Variants in SEMA3A observed in about 807,000 individuals in gnomAD.
The protein encoded by SEMA3A is semaphorin-3A.
In SEMA3A, 29 loss-of-function variants were observed where a neutral mutation model predicts 97.9. The ratio of observed to expected loss-of-function variants is 0.30; its 90% CI spans 0.22 to 0.40. The LOEUF (loss-of-function observed/expected upper bound fraction) is 0.40, where lower values mean the gene tolerates loss of function less well. Among genes scored for constraint, SEMA3A ranks in the 10% least tolerant of loss-of-function variants. The pLI is 1.00. For missense variants in SEMA3A, 763 were observed against 951.3 expected (o/e 0.80, Z 2.60); for synonymous variants, 321 against 323.7 (o/e 0.99, Z 0.09).
At chr7:84,011,432 G>C (rs1309961629) in intron 7 of SEMA3A, 135 bp from the exon 8 acceptor site, 1 of 648,824 alleles carries the variant, frequency 1.5e-6, no homozygotes, top group Admixed American at 2.8e-5. Context: ...CATTTTAAAT[G>C]ACCAGATATA....
chr7:84,264,245 G>A (rs910776604), intron 3 of SEMA3A, among the ~76,000 whole-genome samples: 4 of 152,146 alleles, frequency 2.6e-5, no homozygotes, highest in East Asian at 1.9e-4. Flanking sequence ...AATTTAACCC[G>A]ATGATTCCAG....
chr7:84,276,063 G>A (rs180800743), intron 3 of SEMA3A, among the ~76,000 whole-genome samples: 1 of 152,012 alleles, frequency 6.6e-6, no homozygotes, highest in African/African-American at 2.4e-5. Flanking sequence ...TCTCAGACTT[G>A]TCTTTTTCCA....
At chr7:84,298,394 T>G (rs1239916657) in intron 3 of SEMA3A, among the ~76,000 whole-genome samples, 2 of 152,066 alleles carry the variant, frequency 1.3e-5, no homozygotes, top group Non-Finnish European at 2.9e-5. Flanking sequence ...AATATATTCA[T>G]CCATTAAGAC....
At chr7:84,446,506 A>G (rs1805418134) in intron 1 of SEMA3A, among the ~76,000 whole-genome samples, 1 of 152,204 alleles carries the variant, frequency 6.6e-6, no homozygotes, top group South Asian at 2.1e-4. Context: ...GAATAAAAAA[A>G]TGGTTCAACA....
intron 6 of SEMA3A, among the ~76,000 whole-genome samples, chr7:84,029,509 T>C (rs1791661920): frequency 3.3e-5 from 5 of 152,214 alleles, no homozygotes; most frequent in Non-Finnish European, 5.9e-5. Flanking sequence ...ATTTCTATAA[T>C]ATTTGGTTAT....
intron 3 of SEMA3A, among the ~76,000 whole-genome samples, chr7:84,283,489 T>G (rs778350723): frequency 3.3e-5 from 5 of 151,938 alleles, no homozygotes; most frequent in African/African-American, 4.8e-5. Context: ...TCTCATTTAC[T>G]AAGTGAAACA....
At chr7:84,059,435 T>C (rs983068902) in intron 5 of SEMA3A, among the ~76,000 whole-genome samples, 2 of 152,190 alleles carry the variant, frequency 1.3e-5, no homozygotes, top group East Asian at 3.9e-4. Context: ...TCATGGTTAA[T>C]ATGGCAGTCA....
intron 1 of SEMA3A, among the ~76,000 whole-genome samples, chr7:84,491,818 G>A (rs1353198075): frequency 6.6e-6 from 1 of 152,136 alleles, no homozygotes; most frequent in East Asian, 1.9e-4. Context: ...TTGAGATTTT[G>A]TACATCTGGT....
chr7:84,057,433 T>G (rs1232176142), intron 5 of SEMA3A, among the ~76,000 whole-genome samples: 2 of 151,972 alleles, frequency 1.3e-5, no homozygotes, highest in East Asian at 3.9e-4. Context: ...TTAAAACAAA[T>G]TCATAAAAAA....
intron 1 of SEMA3A, among the ~76,000 whole-genome samples, chr7:84,149,994 T>C (rs796752862): frequency 1.2e-4 from 18 of 152,360 alleles, no homozygotes; most frequent in African/African-American, 4.3e-4. Context: ...TTCATTTTCC[T>C]GATATTTATT....
chr7:84,303,922 C>T (rs553526514), intron 3 of SEMA3A, among the ~76,000 whole-genome samples: 3 of 152,160 alleles, frequency 2.0e-5, no homozygotes, highest in South Asian at 4.1e-4. Flanking sequence ...CAGAATGTAA[C>T]CCCATTGTAA....
At position 84,150,718 on chromosome 7, in the gene SEMA3A, G is replaced by C. The variant is rs376566273; in HGVS notation, c.113-15767C>G. 8.3e-4 allele frequency among the ~76,000 whole-genome samples: 127 copies of C among 152,152 alleles called. 1 individual carries two copies. The highest frequency in any genetic ancestry group is 2.9e-3 in the South Asian group (14 of 4,820). ...AGGTAAACAAAGCAGCTGGGAAGCTGGAACTGGGTGGAGCCCACCACAGCT... is the reference window on the plus strand; with the variant it reads ...AGGTAAACAAAGCAGCTGGGAAGCTCGAACTGGGTGGAGCCCACCACAGCT... On this transcript the variant is annotated intron_variant, in intron 1 of 16. Coordinates refer to ENST00000265362, the MANE Select transcript of SEMA3A (RefSeq NM_006080.3).
rs573921177 is a variant in SEMA3A, at chr7:84,243,822, G to T, written c.-82-49154C>A. ...TGTCTTTGTTGTCATTGGTTTCAAAGAACTTATTTATTTCTGCCTTAATTT... is the reference window on the plus strand; with the variant it reads ...TGTCTTTGTTGTCATTGGTTTCAAATAACTTATTTATTTCTGCCTTAATTT... On this transcript the variant is annotated intron_variant, in intron 3 of 3. Transcript: ENST00000424555. 5.3e-5 allele frequency among the ~76,000 whole-genome samples: 8 copies of T among 152,258 alleles called. No individual in the cohort carries two copies. In the South Asian group the frequency reaches 1.2e-3, roughly 24 times the overall value.
intron 1 of SEMA3A, among the ~76,000 whole-genome samples, chr7:84,385,064 AACACACACACAC>A (rs58600722): frequency 0.017 from 2,538 of 147,418 alleles, 95 homozygotes; most frequent in East Asian, 0.16. Context: ...ACATCCACAA[AACACACACACAC>A]ACACACACAC....
At chr7:84,122,946 A>T (rs1038036815) in intron 3 of SEMA3A, among the ~76,000 whole-genome samples, 1 of 152,176 alleles carries the variant, frequency 6.6e-6, no homozygotes, top group African/African-American at 2.4e-5. Flanking sequence ...AACACTTTGA[A>T]ATGTATCCAA....
intron 1 of SEMA3A, among the ~76,000 whole-genome samples, chr7:84,467,117 A>G (rs1327284164): frequency 6.6e-6 from 1 of 152,006 alleles, no homozygotes; most frequent in Admixed American, 6.6e-5. Context: ...CTTTAGCACA[A>G]CCCCATAAGA....
At chr7:84,139,893 G>C (rs1296134285) in intron 1 of SEMA3A, among the ~76,000 whole-genome samples, 6 of 151,884 alleles carry the variant, frequency 4.0e-5, no homozygotes, top group Non-Finnish European at 7.4e-5. Flanking sequence ...ATTTTATAAT[G>C]AGTCAATTTT....
chr7:84,467,321 G>T (rs1257258885), intron 1 of SEMA3A, among the ~76,000 whole-genome samples: 1 of 151,930 alleles, frequency 6.6e-6, no homozygotes, highest in Non-Finnish European at 1.5e-5. Context: ...AGGAGATCGA[G>T]ACCATCCTGG....
At chr7:84,027,892 T>G (rs1301247880) in intron 6 of SEMA3A, among the ~76,000 whole-genome samples, 2 of 152,206 alleles carry the variant, frequency 1.3e-5, no homozygotes, top group Non-Finnish European at 2.9e-5. Flanking sequence ...TCTATCTTTA[T>G]TGTTATCCCA....
Sources: allele counts gnomAD v4.1 joint callset (sites outside exome capture counted in the v4.1 genomes callset), GRCh38; gene constraint gnomAD v4.1.1; transcripts MANE v1.5; gene names NCBI Gene and HGNC (gene_info 2026-07-23, HGNC 2026-07-21).